The following CFAP221 variants were observed in gnomAD, a reference collection of about 807,000 sequenced individuals.
The protein encoded by CFAP221 is cilia and flagella associated protein 221.
In CFAP221, 97 loss-of-function variants were observed where a neutral mutation model predicts 113.1. The ratio of observed to expected loss-of-function variants is 0.86; its 90% CI spans 0.73 to 1.02. The LOEUF is 1.02. CFAP221 is among the 50% of genes least tolerant of loss of function. CFAP221 has a pLI of 0.00. For missense variants in CFAP221, 1,025 were observed against 1,013.4 expected (o/e 1.01, Z -0.16); for synonymous variants, 331 against 354.4 (o/e 0.93, Z 0.74).
chr2:119,577,731 A>C (rs2104588098), intron 6 of CFAP221, among the ~76,000 whole-genome samples: 1 of 152,360 alleles, frequency 6.6e-6, no homozygotes, highest in South Asian at 2.1e-4. Flanking sequence ...GTACATATTA[A>C]GAGATAGTAC....
chr2:119,604,902 T>G lies in CFAP221; in HGVS notation c.939T>G (p.Phe313Leu). ...VKEIEYQNLR[F>L]PVDLSNPFAV... ...AAATTGAGTACCAGAACCTCAGATT[T>G]CCAGTAGATTTATCGAATCCATTTG... The change falls in exon 10 of 24, where the codon TTT becomes TTG. Residue 313 changes from phenylalanine (F) to leucine (L), a missense_variant. By Grantham distance (22) the Phe-to-Leu change is conservative. Coordinates refer to ENST00000413369, the MANE Select transcript of CFAP221 (RefSeq NM_001271049.2). The G allele has an allele frequency of 6.2e-7, 1 of 1,614,108 alleles. No homozygotes were observed. Among genetic ancestry groups the G allele is most frequent in the East Asian group, 2.2e-5 (1 of 44,880 alleles).
chr2:119,617,446 C>T (rs1233107192), intron 14 of CFAP221, among the ~76,000 whole-genome samples: 2 of 152,184 alleles, frequency 1.3e-5, no homozygotes, highest in African/African-American at 4.8e-5. Context: ...CAGCCATTGA[C>T]AATAGAAAAA....
intron 14 of CFAP221, 144 bp from the exon 15 acceptor site, chr2:119,625,439 A>G (rs1574167180): frequency 1.5e-6 from 1 of 667,250 alleles, no homozygotes; most frequent in Non-Finnish European, 2.6e-6. Context: ...GCCTAGGGAG[A>G]GTAGCATGCC....
chr2:119,595,622 A>G (rs1400342813), intron 7 of CFAP221, among the ~76,000 whole-genome samples: 2 of 152,082 alleles, frequency 1.3e-5, no homozygotes, highest in Non-Finnish European at 2.9e-5. Context: ...GGCATCAGAC[A>G]CTGGTATAGG....
intron 7 of CFAP221, among the ~76,000 whole-genome samples, chr2:119,598,474 T>C (rs1381614215): frequency 6.6e-6 from 1 of 152,230 alleles, no homozygotes; most frequent in Non-Finnish European, 1.5e-5. Context: ...TTTTTTCCTC[T>C]TCTCTTTGTC....
At chr2:119,549,055 A>G (rs1680244948) in intron 2 of CFAP221, 30 bp from the exon 3 acceptor site, 1 of 1,389,270 alleles carries the variant, frequency 7.2e-7, no homozygotes, top group Middle Eastern at 1.8e-4. Flanking sequence ...TTGATGTCTC[A>G]TGATGTGCTT....
At chr2:119,544,986 C>G (rs578151686) in intron 1 of CFAP221, 1 of 147,230 alleles carries the variant, frequency 6.8e-6, no homozygotes, top group Non-Finnish European at 1.5e-5. Context: ...GGAAGGGAAG[C>G]AGGTGAGGAG....
chr2:119,642,890 C>G (rs1687579499), intron 21 of CFAP221, among the ~76,000 whole-genome samples: 2 of 151,832 alleles, frequency 1.3e-5, no homozygotes, highest in South Asian at 4.1e-4. Context: ...GGCTCCACCC[C>G]TATGACCTAA....
chr2:119,570,604 A>G lies in CFAP221; in HGVS notation c.527+8490A>G, dbSNP rs559425896. On this transcript the variant is annotated intron_variant, in intron 6 of 23. Coordinates refer to ENST00000413369, the MANE Select transcript of CFAP221 (RefSeq NM_001271049.2). ...AATTTGCCTGTTCTGGACATTTTAT[A>G]TAAATGGAACCATACAACATGAGGT... Among the ~76,000 whole-genome samples, 6 of 152,346 alleles carry G rather than the reference A, an allele frequency of 3.9e-5. No homozygotes were observed. In the South Asian group the frequency reaches 6.2e-4, roughly 16 times the overall value.
At chr2:119,597,863 A>G (rs1016893654) in intron 7 of CFAP221, among the ~76,000 whole-genome samples, 2 of 152,228 alleles carry the variant, frequency 1.3e-5, no homozygotes, top group Non-Finnish European at 2.9e-5. Flanking sequence ...GCTTTCTGCA[A>G]TCAATCAGAG....
At chr2:119,559,656 T>A (rs1269640657) in intron 3 of CFAP221, 33 bp from the exon 4 acceptor site, 1 of 1,461,900 alleles carries the variant, frequency 6.8e-7, no homozygotes, top group African/African-American at 1.4e-5. Context: ...TAAAGCCGTG[T>A]ATTTCCTCTA....
chr2:119,605,974 T>C (rs1021228389), intron 11 of CFAP221, among the ~76,000 whole-genome samples: 1 of 152,106 alleles, frequency 6.6e-6, no homozygotes, highest in Admixed American at 6.5e-5. Flanking sequence ...CTGAAATGTC[T>C]AGTAACTGAT....
intron 14 of CFAP221, among the ~76,000 whole-genome samples, chr2:119,619,322 C>T (rs1055489132): frequency 6.6e-6 from 1 of 152,210 alleles, no homozygotes; most frequent in Non-Finnish European, 1.5e-5. Context: ...TCTACAAATA[C>T]CTCATACGGG....
intron 14 of CFAP221, among the ~76,000 whole-genome samples, chr2:119,624,254 C>A (rs1686135767): frequency 6.6e-6 from 1 of 152,100 alleles, no homozygotes; most frequent in African/African-American, 2.4e-5. Flanking sequence ...ATGTGGCCAA[C>A]AAACATATGA....
intron 21 of CFAP221, among the ~76,000 whole-genome samples, chr2:119,645,134 C>G (rs769849774): frequency 1.5e-4 from 22 of 151,180 alleles, no homozygotes; most frequent in Non-Finnish European, 2.5e-4. Flanking sequence ...CTGTCTGTCT[C>G]TCTCTCTCTC....
chr2:119,582,326 A>T (rs17049490), intron 6 of CFAP221, among the ~76,000 whole-genome samples: 183 of 152,330 alleles, frequency 1.2e-3, no homozygotes, highest in African/African-American at 4.2e-3. Context: ...AACTCAACAT[A>T]GCATATACAA....
intron 6 of CFAP221, among the ~76,000 whole-genome samples, chr2:119,564,952 A>G (rs1681517138): frequency 6.6e-6 from 1 of 152,164 alleles, no homozygotes; most frequent in South Asian, 2.1e-4. Flanking sequence ...GTTACTATGT[A>G]ATGGCTGTCT....
At chr2:119,635,219 G>A (rs1687040627) in intron 19 of CFAP221, among the ~76,000 whole-genome samples, 1 of 152,176 alleles carries the variant, frequency 6.6e-6, no homozygotes, top group Admixed American at 6.5e-5. Flanking sequence ...ATGTAAAATG[G>A]TACAACTACT....
chr2:119,620,179 C>T (rs977541013), intron 14 of CFAP221, among the ~76,000 whole-genome samples: 22 of 152,088 alleles, frequency 1.4e-4, no homozygotes, highest in Admixed American at 3.9e-4. Context: ...AGGATATTAT[C>T]CAGGAGAACT....
Sources: allele counts gnomAD v4.1 joint callset (sites outside exome capture counted in the v4.1 genomes callset), GRCh38; gene constraint gnomAD v4.1.1; transcripts MANE v1.5; gene names NCBI Gene and HGNC (gene_info 2026-07-23, HGNC 2026-07-21).